CAPZB: variants seen among roughly 807,000 people sequenced by gnomAD.
The protein encoded by CAPZB is capping actin protein of muscle Z-line subunit beta.
CAPZB carries 2 observed loss-of-function variants against 38.1 expected under a neutral mutation model. The ratio of observed to expected loss-of-function variants is 0.05; its 90% CI spans 0.02 to 0.17. CAPZB has a LOEUF of 0.17. Ranked by LOEUF, CAPZB falls within the 10% of genes least tolerant of loss-of-function variation. The probability of loss-of-function intolerance (pLI) is 1.00; values close to 1 mark genes in which losing one functional copy is unlikely to be tolerated. For synonymous variants in CAPZB, 107 were observed against 127.4 expected, an observed-to-expected ratio of 0.84 and a Z score of 1.08; for missense variants, 161 against 334.2, an observed-to-expected ratio of 0.48 and a Z score of 4.04.
chr1:19,468,780 G>A (rs541441421), intron 1 of CAPZB, among the ~76,000 whole-genome samples: 1 of 151,876 alleles, frequency 6.6e-6, no homozygotes, highest in African/African-American at 2.4e-5. Context: ...CTGGGCCACT[G>A]AGTCGGCACA....
intron 1 of CAPZB, among the ~76,000 whole-genome samples, chr1:19,433,250 G>C (rs1309142514): frequency 6.6e-6 from 1 of 152,232 alleles, no homozygotes; most frequent in Non-Finnish European, 1.5e-5. Flanking sequence ...TGCCGTACAT[G>C]TTGTCCATTT....
chr1:19,483,778 A>G (rs1417735768), intron 1 of CAPZB, among the ~76,000 whole-genome samples: 1 of 152,212 alleles, frequency 6.6e-6, no homozygotes, highest in Non-Finnish European at 1.5e-5. Flanking sequence ...GTTTTCAGCC[A>G]AAGTTACTGG....
chr1:19,461,752 A>C (rs572789237), intron 1 of CAPZB, among the ~76,000 whole-genome samples: 4 of 152,368 alleles, frequency 2.6e-5, no homozygotes, highest in African/African-American at 9.6e-5. Context: ...AAGCCTGAGT[A>C]GGAATCCGAA....
At chr1:19,424,161 C>CTT (rs145370423) in intron 1 of CAPZB, among the ~76,000 whole-genome samples, 1 of 148,764 alleles carries the variant, frequency 6.7e-6, no homozygotes, top group African/African-American at 2.5e-5. Context: ...TATAACAAGG[C>CTT]TTTTTTTTTT....
intron 1 of CAPZB, 147 bp downstream of exon 1, chr1:19,485,289 G>C (rs1404759432): frequency 2.1e-6 from 1 of 478,892 alleles, no homozygotes; most frequent in Non-Finnish European, 3.3e-6. Context: ...TCCTGGGCGG[G>C]GAGGGACCGG....
At chr1:19,405,256 T>C (rs1224200863) in intron 2 of CAPZB, among the ~76,000 whole-genome samples, 1 of 152,148 alleles carries the variant, frequency 6.6e-6, no homozygotes, top group Non-Finnish European at 1.5e-5. Flanking sequence ...GGCCAGGCAC[T>C]GTGTTAGGGT....
At chr1:19,474,626 C>A (rs1323706716) in intron 1 of CAPZB, among the ~76,000 whole-genome samples, 1 of 152,100 alleles carries the variant, frequency 6.6e-6, no homozygotes, top group South Asian at 2.1e-4. Flanking sequence ...CTTGTAAGTA[C>A]GGGGCAGTTT....
chr1:19,401,009 C>G (rs1416191517), intron 2 of CAPZB, among the ~76,000 whole-genome samples: 1 of 152,068 alleles, frequency 6.6e-6, no homozygotes, highest in African/African-American at 2.4e-5. Flanking sequence ...TAGAATGGAA[C>G]CAAAATGATA....
At position 19,396,800 on chromosome 1, in the gene CAPZB, A is replaced by G. The variant is rs74699201; in HGVS notation, c.94-11174T>C. ...TAATAAAAATACAAAAAAAAAAAAA[A>G]AAAGAAATTAGGCACTGTGGCGAGC... On this transcript the variant is annotated intron_variant, in intron 2 of 8. Transcript: ENST00000264202. 3.8e-3 allele frequency among the ~76,000 whole-genome samples: 579 copies of G among 151,848 alleles called. 7 individuals are homozygous for G. Among genetic ancestry groups the G allele is most frequent in the Admixed American group, 0.02 (300 of 15,234 alleles).
rs71008151 is a variant in CAPZB, at chr1:19,366,283, A to AATAAATAAATAAATATATATATATATAT, written c.330-8721_330-8720insATATATATATATATATTTATTTATTTAT. Among the ~76,000 whole-genome samples, 8 of 60,502 alleles carry AATAAATAAATAAATATATATATATATAT rather than the reference A, an allele frequency of 1.3e-4. 1 individual carries two copies. Among genetic ancestry groups the AATAAATAAATAAATATATATATATATAT allele is most frequent in the Non-Finnish European group, 2.8e-4 (8 of 28,994 alleles). 39.7% of individuals were successfully genotyped at this position (60,502 alleles called of 152,430 possible). On this transcript the variant is annotated intron_variant, in intron 4 of 8. Coordinates refer to ENST00000264202, the MANE Select transcript of CAPZB (RefSeq NM_004930.5). ...GCAACATAGTGAGACCGTGTCTTAA[A>AATAAATAAATAAATATATATATATATAT]ATATATATATATATATATATATATA...
intron 1 of CAPZB, among the ~76,000 whole-genome samples, chr1:19,465,100 G>A (rs1321245750): frequency 1.3e-5 from 2 of 152,170 alleles, no homozygotes; most frequent in South Asian, 2.1e-4. Flanking sequence ...GGTTGGCAGG[G>A]GAGAGTGGAA....
At position 19,485,531 on chromosome 1, in the gene CAPZB, A is replaced by G. The variant is rs1394101810; in HGVS notation, c.-93T>C. On this transcript the variant is annotated 5_prime_UTR_variant, in exon 1 of 9. Coordinates refer to ENST00000264202, the MANE Select transcript of CAPZB (RefSeq NM_004930.5). ...GCTTCCACTTCCCCGGGTGCCCAGG[A>G]GTGAACATCCGGGTCAGCACCCCCC... 1.9e-6 allele frequency: 2 copies of G among 1,069,072 alleles called. No individual in the cohort carries two copies. Among genetic ancestry groups the G allele is most frequent in the East Asian group, 3.3e-5 (1 of 30,348 alleles). 66.2% of individuals were successfully genotyped at this position (1,069,072 alleles called of 1,614,324 possible).
chr1:19,397,215 T>TTATGGGA (rs2094276291), intron 2 of CAPZB, among the ~76,000 whole-genome samples: 4 of 152,220 alleles, frequency 2.6e-5, no homozygotes, highest in Non-Finnish European at 5.9e-5. Flanking sequence ...CCCAAGAACC[T>TTATGGGA]ATGGACAACA....
At chr1:19,354,950 G>T (rs1385833141) in intron 6 of CAPZB, among the ~76,000 whole-genome samples, 1 of 152,134 alleles carries the variant, frequency 6.6e-6, no homozygotes, top group African/African-American at 2.4e-5. Context: ...CACGCAAAAA[G>T]GCTAAGTGCC....
intron 1 of CAPZB, among the ~76,000 whole-genome samples, chr1:19,443,135 A>G (rs1224714281): frequency 6.6e-6 from 1 of 152,008 alleles, no homozygotes; most frequent in Non-Finnish European, 1.5e-5. Flanking sequence ...GCCTGTAATC[A>G]CAGCACTTTG....
At chr1:19,428,069 T>C (rs1200930378) in intron 1 of CAPZB, among the ~76,000 whole-genome samples, 1 of 152,216 alleles carries the variant, frequency 6.6e-6, no homozygotes, top group Non-Finnish European at 1.5e-5. Context: ...CCTGTTGTTA[T>C]ATGAGAAATA....
intron 1 of CAPZB, among the ~76,000 whole-genome samples, chr1:19,479,000 G>A (rs769359331): frequency 6.6e-6 from 1 of 152,126 alleles, no homozygotes; most frequent in Non-Finnish European, 1.5e-5. Context: ...CATGAGGCCA[G>A]GCGTTCAAGA....
At chr1:19,478,339 A>G (rs559268080) in intron 1 of CAPZB, among the ~76,000 whole-genome samples, 16 of 152,318 alleles carry the variant, frequency 1.1e-4, no homozygotes, top group African/African-American at 3.8e-4. Context: ...ATAATAAGAG[A>G]TAACACTCCT....
At chr1:19,444,883 C>T (rs2094491021) in intron 1 of CAPZB, among the ~76,000 whole-genome samples, 1 of 152,138 alleles carries the variant, frequency 6.6e-6, no homozygotes. Context: ...GCTGGGACTA[C>T]AGGCGCCTGC....
Sources: allele counts gnomAD v4.1 joint callset (sites outside exome capture counted in the v4.1 genomes callset), GRCh38; gene constraint gnomAD v4.1.1; transcripts MANE v1.5; gene names NCBI Gene and HGNC (gene_info 2026-07-23, HGNC 2026-07-21).